The following LUZP2 variants were observed in gnomAD, a reference collection of about 807,000 sequenced individuals.
LUZP2 encodes the protein leucine zipper protein 2.
LUZP2 carries 52 observed loss-of-function variants against 51.6 expected under a neutral mutation model. The observed-to-expected ratio is 1.01, with a 90% CI of 0.81 to 1.27. LUZP2 has a LOEUF of 1.27. LUZP2 is among the 50% of genes most tolerant of loss of function. The probability of loss-of-function intolerance (pLI) is 0.00; values close to 1 mark genes in which losing one functional copy is unlikely to be tolerated. For synonymous variants in LUZP2, 154 were observed against 137.3 expected (o/e 1.12, Z -0.85); for missense variants, 436 against 395.4 (o/e 1.10, Z -0.87).
chr11:24,987,407 G>A (rs1856219175), intron 9 of LUZP2, among the ~76,000 whole-genome samples: 1 of 151,900 alleles, frequency 6.6e-6, no homozygotes, highest in South Asian at 2.1e-4. Flanking sequence ...AAAGGAGAAT[G>A]TTTAAAGACA....
chr11:25,043,505 A>AT (rs1401983035), intron 9 of LUZP2, among the ~76,000 whole-genome samples: 1 of 150,954 alleles, frequency 6.6e-6, no homozygotes, highest in Admixed American at 6.6e-5. Flanking sequence ...GCACACTGCG[A>AT]TTTAGGTACT....
At chr11:24,728,697 C>G (rs146020265) in intron 1 of LUZP2, among the ~76,000 whole-genome samples, 2,977 of 152,052 alleles carry the variant, frequency 0.02, 97 homozygotes, top group African/African-American at 0.065. Flanking sequence ...CTCCTGCTCC[C>G]CAGTTAGAAC....
chr11:24,574,493 C>T (rs183000111), intron 1 of LUZP2, among the ~76,000 whole-genome samples: 464 of 151,646 alleles, frequency 3.1e-3, no homozygotes, highest in Non-Finnish European at 5.3e-3. Flanking sequence ...ACTTTGCTAT[C>T]CAGGAAAATC....
intron 5 of LUZP2, among the ~76,000 whole-genome samples, chr11:24,794,508 C>T (rs919894867): frequency 2.6e-5 from 4 of 152,074 alleles, no homozygotes; most frequent in African/African-American, 9.7e-5. Context: ...ATTAAAACCC[C>T]AACCTCAGAC....
intron 1 of LUZP2, among the ~76,000 whole-genome samples, chr11:24,655,821 TAAG>T (rs1452383882): frequency 1.3e-5 from 2 of 152,188 alleles, no homozygotes; most frequent in African/African-American, 2.4e-5. Context: ...ATCTCTGGGA[TAAG>T]GACAGAAAAA....
chr11:24,677,872 C>T (rs566308978), intron 1 of LUZP2, among the ~76,000 whole-genome samples: 18 of 152,008 alleles, frequency 1.2e-4, no homozygotes, highest in African/African-American at 4.1e-4. Flanking sequence ...CCCGTCTCTA[C>T]TAAAAATACA....
At chr11:24,991,168 G>A (rs989875235) in intron 9 of LUZP2, among the ~76,000 whole-genome samples, 1 of 151,714 alleles carries the variant, frequency 6.6e-6, no homozygotes, top group African/African-American at 2.4e-5. Context: ...TCATTCATAT[G>A]CCTTTGCATC....
chr11:24,794,883 G>A (rs1849507608), intron 5 of LUZP2, among the ~76,000 whole-genome samples: 1 of 152,118 alleles, frequency 6.6e-6, no homozygotes, highest in African/African-American at 2.4e-5. Context: ...TAACAAGGTA[G>A]TTAATTTTAA....
intron 5 of LUZP2, among the ~76,000 whole-genome samples, chr11:24,871,781 T>C (rs1852083572): frequency 6.6e-6 from 1 of 152,100 alleles, no homozygotes; most frequent in South Asian, 2.1e-4. Context: ...ACACCAAATT[T>C]GATAAAATCA....
chr11:24,893,849 C>T (rs962744498), intron 5 of LUZP2, among the ~76,000 whole-genome samples: 1 of 151,954 alleles, frequency 6.6e-6, no homozygotes, highest in Admixed American at 6.6e-5. Context: ...TTAGACATTT[C>T]CCTGCAAATT....
chr11:24,959,711 A>C (rs888143406), intron 7 of LUZP2, among the ~76,000 whole-genome samples: 7 of 152,104 alleles, frequency 4.6e-5, no homozygotes, highest in Non-Finnish European at 1.5e-5. Flanking sequence ...GGACAATTTG[A>C]CTTCCTCTTT....
chr11:24,885,612 A>G (rs1852644420), intron 5 of LUZP2, among the ~76,000 whole-genome samples: 1 of 152,182 alleles, frequency 6.6e-6, no homozygotes, highest in Admixed American at 6.6e-5. Flanking sequence ...TAGTTTACTC[A>G]GTGTATTGAA....
intron 1 of LUZP2, among the ~76,000 whole-genome samples, chr11:24,511,796 C>T (rs184741655): frequency 4.6e-5 from 7 of 152,124 alleles, no homozygotes; most frequent in East Asian, 3.9e-4. Context: ...GAACTTTTTC[C>T]GATGAGTGGA....
At chr11:24,506,671 G>T (rs1850154501) in intron 1 of LUZP2, among the ~76,000 whole-genome samples, 1 of 152,066 alleles carries the variant, frequency 6.6e-6, no homozygotes, top group African/African-American at 2.4e-5. Flanking sequence ...CTAATCGTGT[G>T]TGTAGAAGTG....
intron 5 of LUZP2, among the ~76,000 whole-genome samples, chr11:24,807,800 A>C (rs1470940451): frequency 6.6e-6 from 1 of 152,088 alleles, no homozygotes; most frequent in Non-Finnish European, 1.5e-5. Flanking sequence ...GAATTTTTTT[A>C]TGGCCATGCT....
intron 9 of LUZP2, among the ~76,000 whole-genome samples, chr11:24,992,923 A>G (rs1401894481): frequency 6.6e-6 from 1 of 152,142 alleles, no homozygotes. Context: ...TTTATCCAGA[A>G]ATCTTTTCAT....
chr11:24,850,714 A>G (rs117922460), intron 5 of LUZP2, among the ~76,000 whole-genome samples: 3,203 of 152,276 alleles, frequency 0.021, 60 homozygotes, highest in Non-Finnish European at 0.028. Context: ...TTTGGGCCAT[A>G]TGTCCATTTT....
intron 1 of LUZP2, among the ~76,000 whole-genome samples, chr11:24,594,180 G>A (rs938586257): frequency 2.6e-5 from 4 of 152,182 alleles, no homozygotes; most frequent in African/African-American, 9.7e-5. Flanking sequence ...AATCAAGACA[G>A]AGAGAAAGTT....
chr11:24,818,305 T>C (rs1052623180), intron 5 of LUZP2, among the ~76,000 whole-genome samples: 1 of 152,092 alleles, frequency 6.6e-6, no homozygotes, highest in Admixed American at 6.6e-5. Context: ...TTTTCTTTGC[T>C]TTTATGAGAA....
Sources: allele counts gnomAD v4.1 joint callset (sites outside exome capture counted in the v4.1 genomes callset), GRCh38; gene constraint gnomAD v4.1.1; transcripts MANE v1.5; gene names NCBI Gene and HGNC (gene_info 2026-07-23, HGNC 2026-07-21).